The following LYPLAL1 variants were observed in gnomAD, a reference collection of about 807,000 sequenced individuals.
LYPLAL1 encodes lysophospholipase like 1, also known as lysophospholipase-like protein 1.
LYPLAL1 carries 23 observed loss-of-function variants against 19.7 expected under a neutral mutation model. That is an observed-to-expected ratio of 1.17 (90% CI 0.84 to 1.65). The LOEUF is 1.65. Ranked by LOEUF, LYPLAL1 falls within the 40% of genes most tolerant of loss-of-function variation. The pLI, the probability that LYPLAL1 is intolerant of heterozygous loss-of-function variation, is 0.00. For synonymous variants in LYPLAL1, 119 were observed against 96.3 expected (o/e 1.24, Z -1.38); for missense variants, 355 against 279.4 (o/e 1.27, Z -1.93).
the LYPLAL1 span, among the ~76,000 whole-genome samples, chr1:219,290,302 C>G: frequency 6.6e-6 from 1 of 152,148 alleles, no homozygotes; most frequent in South Asian, 2.1e-4. Flanking sequence ...CAGAGGAACT[C>G]CATCTTGAGT....
At chr1:219,238,591 A>G in the LYPLAL1 span, among the ~76,000 whole-genome samples, 2 of 152,248 alleles carry the variant, frequency 1.3e-5, no homozygotes, top group South Asian at 2.1e-4. Context: ...TTGATAGCTA[A>G]TAATCCAGAT....
the LYPLAL1 span, among the ~76,000 whole-genome samples, chr1:219,398,733 T>C: frequency 6.6e-6 from 1 of 152,188 alleles, no homozygotes; most frequent in East Asian, 1.9e-4. Context: ...GTTTTTCTAT[T>C]ATCCTATTCG....
the LYPLAL1 span, among the ~76,000 whole-genome samples, chr1:219,384,389 T>G: frequency 6.6e-6 from 1 of 152,226 alleles, no homozygotes; most frequent in Non-Finnish European, 1.5e-5. Flanking sequence ...TTCTCCATCA[T>G]GTCCCTCAAA....
chr1:219,217,971 G>C, the LYPLAL1 span, among the ~76,000 whole-genome samples: 1 of 151,904 alleles, frequency 6.6e-6, no homozygotes, highest in African/African-American at 2.4e-5. Flanking sequence ...TGTGAGTAAA[G>C]GGGGACTTTC....
the LYPLAL1 span, among the ~76,000 whole-genome samples, chr1:219,339,188 A>C: frequency 2.6e-5 from 4 of 152,066 alleles, no homozygotes; most frequent in East Asian, 7.8e-4. Context: ...TCATAGAGAG[A>C]CATAGATGTC....
At chr1:219,230,400 CGCACCCG>C in the LYPLAL1 span, among the ~76,000 whole-genome samples, 717 of 152,268 alleles carry the variant, frequency 4.7e-3, 8 homozygotes, top group African/African-American at 0.016. Context: ...CGTGAGCCAC[CGCACCCG>C]GCCGTAGGTT....
At chr1:219,376,711 G>A in the LYPLAL1 span, among the ~76,000 whole-genome samples, 20 of 152,090 alleles carry the variant, frequency 1.3e-4, no homozygotes, top group African/African-American at 3.6e-4. Context: ...ACATAAAAAG[G>A]TGCTTAACAT....
chr1:219,212,582 A>T lies in LYPLAL1; in HGVS notation c.*854A>T, dbSNP rs182165783. ...TATATTAGTTGGTTCTCATGCATAC[A>T]TAATCTAATTTTATTTGATCCTCAC... On this transcript the variant is annotated 3_prime_UTR_variant, in exon 5 of 5. Coordinates refer to ENST00000366928, the MANE Select transcript of LYPLAL1 (RefSeq NM_138794.5). The T allele has an allele frequency of 2.2e-4, 34 of 152,180 alleles. 1 individual carries two copies. The highest frequency in any genetic ancestry group is 7.5e-4 in the African/African-American group (31 of 41,564). 9.4% of individuals were successfully genotyped at this position (152,180 alleles called of 1,614,324 possible). A position where few individuals can be genotyped will look rare whatever the true frequency, so the allele number is the denominator to read the frequency against.
chr1:219,381,525 A>C, the LYPLAL1 span, among the ~76,000 whole-genome samples: 1 of 152,190 alleles, frequency 6.6e-6, no homozygotes, highest in Admixed American at 6.5e-5. Context: ...ACAAAATAGA[A>C]AATAGTTTCT....
chr1:219,339,792 A>G, the LYPLAL1 span, among the ~76,000 whole-genome samples: 1 of 152,060 alleles, frequency 6.6e-6, no homozygotes, highest in African/African-American at 2.4e-5. Flanking sequence ...TTCCCCAAAA[A>G]TACATCAGGG....
the LYPLAL1 span, among the ~76,000 whole-genome samples, chr1:219,245,209 C>A: frequency 4.1e-5 from 6 of 146,526 alleles, no homozygotes; most frequent in African/African-American, 1.5e-4. Flanking sequence ...TCCTTCCTTC[C>A]TTCCTTCCTT....
At chr1:219,398,437 G>C in the LYPLAL1 span, among the ~76,000 whole-genome samples, 1 of 152,158 alleles carries the variant, frequency 6.6e-6, no homozygotes, top group Non-Finnish European at 1.5e-5. Context: ...TGGCTACTTT[G>C]TCTGTCAGCT....
the LYPLAL1 span, among the ~76,000 whole-genome samples, chr1:219,219,620 G>A: frequency 2.0e-5 from 3 of 152,194 alleles, no homozygotes; most frequent in Non-Finnish European, 4.4e-5. Context: ...CCAGTTGGGT[G>A]GCATCTGTCC....
the LYPLAL1 span, among the ~76,000 whole-genome samples, chr1:219,309,918 G>A: frequency 6.6e-6 from 1 of 152,190 alleles, no homozygotes; most frequent in African/African-American, 2.4e-5. Flanking sequence ...AACCAAAATG[G>A]TAAGTGAGTT....
At chr1:219,261,680 C>G in the LYPLAL1 span, among the ~76,000 whole-genome samples, 4 of 152,192 alleles carry the variant, frequency 2.6e-5, no homozygotes, top group Admixed American at 2.6e-4. Context: ...TTTGAGGAGA[C>G]TGAAGATAGA....
the LYPLAL1 span, chr1:219,273,118 T>C: frequency 3.9e-5 from 6 of 152,198 alleles, no homozygotes; most frequent in Non-Finnish European, 7.3e-5. Context: ...TTTTTATATT[T>C]AATACCATAT....
chr1:219,213,005 C>G (rs1313920931), downstream of LYPLAL1: 1 of 152,026 alleles, frequency 6.6e-6, no homozygotes, highest in African/African-American at 2.4e-5. Flanking sequence ...TACATTCTAG[C>G]AGCAGTGTAT....
At chr1:219,200,667 A>C in intron 3 of LYPLAL1, 1 of 233,208 alleles carries the variant, frequency 4.3e-6, no homozygotes, top group Non-Finnish European at 8.8e-6. Context: ...TCTGTCAAAA[A>C]CCACAACTCG....
the LYPLAL1 span, among the ~76,000 whole-genome samples, chr1:219,344,946 T>G: frequency 6.6e-6 from 1 of 152,200 alleles, no homozygotes; most frequent in African/African-American, 2.4e-5. Flanking sequence ...CTTAACATCT[T>G]CCACCCACAA....
Sources: allele counts gnomAD v4.1 joint callset (sites outside exome capture counted in the v4.1 genomes callset), GRCh38; gene constraint gnomAD v4.1.1; transcripts MANE v1.5; gene names NCBI Gene and HGNC (gene_info 2026-07-23, HGNC 2026-07-21).